Variants in LOC128092252 observed in about 807,000 individuals in gnomAD.
chr15:50,683,403 AGACAAC>A, the LOC128092252 span, among the ~76,000 whole-genome samples: 3 of 152,094 alleles, frequency 2.0e-5, no homozygotes, highest in African/African-American at 7.2e-5. Flanking sequence ...ATCAGGCATC[AGACAAC>A]ACGAATCCAC....
chr15:50,657,193 G>A, the LOC128092252 span, among the ~76,000 whole-genome samples: 4 of 151,966 alleles, frequency 2.6e-5, no homozygotes, highest in South Asian at 2.1e-4. Flanking sequence ...GCATGGTGGC[G>A]CATGCCTGTA....
the LOC128092252 span, among the ~76,000 whole-genome samples, chr15:50,658,671 T>C: frequency 6.6e-6 from 1 of 152,014 alleles, no homozygotes; most frequent in Non-Finnish European, 1.5e-5. Flanking sequence ...GAAGGCCACT[T>C]GGCAATACCC....
chr15:50,653,385 T>C, the LOC128092252 span, among the ~76,000 whole-genome samples: 1 of 152,184 alleles, frequency 6.6e-6, no homozygotes, highest in Admixed American at 6.5e-5. Flanking sequence ...ACAGATAACA[T>C]AATACTTATT....
the LOC128092252 span, among the ~76,000 whole-genome samples, chr15:50,655,210 C>T: frequency 1.3e-4 from 19 of 150,958 alleles, no homozygotes; most frequent in Admixed American, 4.6e-4. Flanking sequence ...CCAAGGCGGG[C>T]GAATCACGAG....
chr15:50,671,804 G>C, the LOC128092252 span, among the ~76,000 whole-genome samples: 1 of 147,440 alleles, frequency 6.8e-6, no homozygotes, highest in Non-Finnish European at 1.5e-5. Flanking sequence ...AACTTGTCTC[G>C]AAAAAAAAAA....
the LOC128092252 span, among the ~76,000 whole-genome samples, chr15:50,664,075 G>A: frequency 2.2e-4 from 33 of 152,170 alleles, no homozygotes; most frequent in South Asian, 4.1e-4. Flanking sequence ...TGAGGTGGGC[G>A]GATCACAAAG....
chr15:50,659,980 T>G, the LOC128092252 span, among the ~76,000 whole-genome samples: 1 of 152,138 alleles, frequency 6.6e-6, no homozygotes, highest in South Asian at 2.1e-4. Flanking sequence ...AATCTATTTT[T>G]TTAATAAAGC....
chr15:50,681,294 A>ACACACACACACACACAC, the LOC128092252 span, among the ~76,000 whole-genome samples: 1 of 101,912 alleles, frequency 9.8e-6, no homozygotes, highest in African/African-American at 5.3e-5. Context: ...CACACACACA[A>ACACACACACACACACAC]AGCATTCAGA....
chr15:50,660,483 G>C, the LOC128092252 span, among the ~76,000 whole-genome samples: 4 of 151,966 alleles, frequency 2.6e-5, no homozygotes, highest in Non-Finnish European at 5.9e-5. Flanking sequence ...TGAAACCCCT[G>C]TCTCTACTAA....
the LOC128092252 span, among the ~76,000 whole-genome samples, chr15:50,675,884 C>G: frequency 6.6e-6 from 1 of 152,194 alleles, no homozygotes; most frequent in African/African-American, 2.4e-5. Flanking sequence ...ATTCTGGAAT[C>G]AGACTGGTCT....
the LOC128092252 span, among the ~76,000 whole-genome samples, chr15:50,649,071 T>C: frequency 3.3e-5 from 5 of 152,084 alleles, no homozygotes; most frequent in African/African-American, 7.2e-5. Flanking sequence ...ACTGAAATAG[T>C]ATAATTAGTC....
At chr15:50,651,725 C>T in the LOC128092252 span, among the ~76,000 whole-genome samples, 2 of 151,882 alleles carry the variant, frequency 1.3e-5, no homozygotes, top group South Asian at 2.1e-4. Context: ...CCCATCTCTA[C>T]TAAAAATATA....
At chr15:50,666,447 T>G in the LOC128092252 span, among the ~76,000 whole-genome samples, 1 of 144,046 alleles carries the variant, frequency 6.9e-6, no homozygotes, top group Admixed American at 6.9e-5. Flanking sequence ...GAGAAGAAGG[T>G]AGAAGGGAGA....
the LOC128092252 span, chr15:50,662,905 A>G: frequency 8.4e-7 from 1 of 1,189,096 alleles, no homozygotes; most frequent in Non-Finnish European, 1.2e-6. Flanking sequence ...CAATAAAGAA[A>G]TAACAATATA....
chr15:50,667,732 GAAAT>G, the LOC128092252 span, among the ~76,000 whole-genome samples: 1 of 152,038 alleles, frequency 6.6e-6, no homozygotes, highest in Non-Finnish European at 1.5e-5. Flanking sequence ...ATTTAAATAA[GAAAT>G]AATAAAATAA....
At chr15:50,655,177 T>G in the LOC128092252 span, among the ~76,000 whole-genome samples, 3 of 142,984 alleles carry the variant, frequency 2.1e-5, no homozygotes, top group Non-Finnish European at 4.8e-5. Context: ...GGCTCACGCC[T>G]GTAATCCCAG....
the LOC128092252 span, among the ~76,000 whole-genome samples, chr15:50,653,497 C>G: frequency 6.6e-6 from 1 of 151,680 alleles, no homozygotes; most frequent in Non-Finnish European, 1.5e-5. Flanking sequence ...TAAATGTGAA[C>G]AAAATATATG....
chr15:50,652,432 T>C, the LOC128092252 span, among the ~76,000 whole-genome samples: 2,095 of 87,674 alleles, frequency 0.024, 59 homozygotes, highest in African/African-American at 0.089. Context: ...AAAAGATAAA[T>C]AAAATTGATA....
chr15:50,674,450 A>C, the LOC128092252 span, among the ~76,000 whole-genome samples: 5 of 152,052 alleles, frequency 3.3e-5, no homozygotes, highest in African/African-American at 1.2e-4. Flanking sequence ...GTTTCTAATA[A>C]ATTTCTGATG....
Sources: allele counts gnomAD v4.1 joint callset (sites outside exome capture counted in the v4.1 genomes callset), GRCh38; gene constraint gnomAD v4.1.1; transcripts MANE v1.5.